SLC24A3: variants seen among roughly 807,000 people sequenced by gnomAD.
SLC24A3 encodes the protein solute carrier family 24 member 3.
SLC24A3 carries 28 observed loss-of-function variants against 75.8 expected under a neutral mutation model. The observed-to-expected ratio is 0.37, with a 90% confidence interval of 0.27 to 0.51. The LOEUF (loss-of-function observed/expected upper bound fraction) is 0.51, where lower values mean the gene tolerates loss of function less well. SLC24A3 is among the 20% of genes least tolerant of loss of function. The pLI is 0.94. For missense variants in SLC24A3, 663 were observed against 847.8 expected (o/e 0.78, Z 2.71); for synonymous variants, 372 against 334.1 (o/e 1.11, Z -1.24).
Position 19,673,529 on chromosome 20 carries a change from T to C in SLC24A3, c.714-72T>C, listed in dbSNP as rs368624865. On this transcript the variant is annotated intron_variant, in intron 8 of 16. Transcript: ENST00000328041. ...ATCCTGGCCGTTTGCATCAAATATG[T>C]CTTTAAAAATGAGGCAGGTGAGTTT... 138 of 1,328,616 alleles carry C rather than the reference T, an allele frequency of 1.0e-4. No individual in the cohort carries two copies. In the African/African-American group the frequency reaches 1.9e-3, roughly 18 times the overall value. 82.3% of individuals were successfully genotyped at this position (1,328,616 alleles called of 1,614,324 possible).
At chr20:19,325,795 T>TAGAGAGAGAGAGAG (rs745745496) in intron 2 of SLC24A3, among the ~76,000 whole-genome samples, 2 of 67,796 alleles carry the variant, frequency 3.0e-5, no homozygotes, top group African/African-American at 1.1e-4. Context: ...TATATATATA[T>TAGAGAGAGAGAGAG]AGAGAGAGAG....
At chr20:19,709,924 TA>T (rs1299296820) in intron 15 of SLC24A3, among the ~76,000 whole-genome samples, 2 of 152,180 alleles carry the variant, frequency 1.3e-5, no homozygotes, top group African/African-American at 4.8e-5. Flanking sequence ...ACTAAATGAC[TA>T]AAGGACTTAG....
intron 1 of SLC24A3, among the ~76,000 whole-genome samples, chr20:19,250,530 C>T (rs1982622266): frequency 3.3e-5 from 5 of 152,194 alleles, no homozygotes; most frequent in Admixed American, 2.0e-4. Flanking sequence ...TTACCATACT[C>T]TGAAGGGTGT....
chr20:19,694,161 G>C (rs1425109768), intron 13 of SLC24A3: 4 of 152,180 alleles, frequency 2.6e-5, no homozygotes, highest in Non-Finnish European at 1.5e-5. Flanking sequence ...CAGTGGCTTT[G>C]ACCTTAACAA....
intron 2 of SLC24A3, among the ~76,000 whole-genome samples, chr20:19,380,917 G>C (rs1378041554): frequency 6.6e-6 from 1 of 152,166 alleles, no homozygotes; most frequent in Non-Finnish European, 1.5e-5. Flanking sequence ...AAATGATGGA[G>C]CCTTGGGGAA....
intron 2 of SLC24A3, among the ~76,000 whole-genome samples, chr20:19,363,798 G>A (rs962494053): frequency 3.9e-5 from 6 of 152,126 alleles, no homozygotes; most frequent in African/African-American, 9.7e-5. Context: ...TATGTTACAC[G>A]TATGCCAGGA....
chr20:19,560,366 CT>C (rs1391876297), intron 3 of SLC24A3, among the ~76,000 whole-genome samples: 2 of 152,210 alleles, frequency 1.3e-5, no homozygotes, highest in Non-Finnish European at 2.9e-5. Flanking sequence ...TGTTCTTGGG[CT>C]TTTAAAACCC....
intron 6 of SLC24A3, among the ~76,000 whole-genome samples, chr20:19,632,137 C>G (rs751175997): frequency 6.6e-6 from 1 of 152,140 alleles, no homozygotes; most frequent in Non-Finnish European, 1.5e-5. Context: ...AATTGGAACC[C>G]CTCCTTTAGA....
At chr20:19,527,562 T>G (rs1010687880) in intron 3 of SLC24A3, among the ~76,000 whole-genome samples, 1 of 152,182 alleles carries the variant, frequency 6.6e-6, no homozygotes, top group Non-Finnish European at 1.5e-5. Flanking sequence ...AGGAAACCCC[T>G]GCTCATGAGG....
At chr20:19,610,919 G>A (rs1425395171) in intron 6 of SLC24A3, among the ~76,000 whole-genome samples, 1 of 152,214 alleles carries the variant, frequency 6.6e-6, no homozygotes. Context: ...CTGGAAGCTG[G>A]AAGTCCAGCC....
At chr20:19,647,140 C>G (rs1427342249) in intron 6 of SLC24A3, among the ~76,000 whole-genome samples, 1 of 152,058 alleles carries the variant, frequency 6.6e-6, no homozygotes, top group Admixed American at 6.6e-5. Flanking sequence ...ATTAATACCC[C>G]AGCTCCCTCT....
At chr20:19,252,970 G>A (rs1009582592) in intron 1 of SLC24A3, among the ~76,000 whole-genome samples, 2 of 152,158 alleles carry the variant, frequency 1.3e-5, no homozygotes, top group African/African-American at 4.8e-5. Context: ...TATGCAATGG[G>A]TGCTTCGCCT....
intron 2 of SLC24A3, among the ~76,000 whole-genome samples, chr20:19,293,364 G>A (rs562044817): frequency 6.6e-6 from 1 of 152,156 alleles, no homozygotes; most frequent in South Asian, 2.1e-4. Context: ...CTCGGAAAGG[G>A]ATGTTTCCTG....
chr20:19,520,026 G>A (rs960612), intron 3 of SLC24A3, among the ~76,000 whole-genome samples: 14,492 of 152,188 alleles, frequency 0.095, 744 homozygotes, highest in South Asian at 0.1. Flanking sequence ...CTTGCTTTCC[G>A]ATTTTTAATG....
chr20:19,623,385 C>T (rs2031829207), intron 6 of SLC24A3, among the ~76,000 whole-genome samples: 1 of 152,158 alleles, frequency 6.6e-6, no homozygotes, highest in South Asian at 2.1e-4. Flanking sequence ...AGCTCTGAAA[C>T]AGGAGCTGCA....
intron 13 of SLC24A3, chr20:19,694,586 C>G (rs965750343): frequency 2.6e-5 from 4 of 152,156 alleles, no homozygotes; most frequent in Non-Finnish European, 5.9e-5. Flanking sequence ...GCACCAAGAG[C>G]CACCTCCTAT....
intron 2 of SLC24A3, among the ~76,000 whole-genome samples, chr20:19,348,964 T>A (rs1470585063): frequency 6.6e-6 from 1 of 152,136 alleles, no homozygotes. Flanking sequence ...ACCCAGCATA[T>A]CCTGCTTCAT....
chr20:19,579,321 G>A (rs2031185593), intron 3 of SLC24A3, among the ~76,000 whole-genome samples: 1 of 152,174 alleles, frequency 6.6e-6, no homozygotes, highest in Admixed American at 6.5e-5. Context: ...GAATTCCAGG[G>A]AATACCCTGG....
At chr20:19,368,794 C>A (rs543862925) in intron 2 of SLC24A3, among the ~76,000 whole-genome samples, 4 of 152,122 alleles carry the variant, frequency 2.6e-5, no homozygotes, top group African/African-American at 9.7e-5. Flanking sequence ...TCTCAGCATC[C>A]GGGAGAATTT....
Sources: gnomAD v4.1 joint callset for allele counts (sites outside exome capture counted in the v4.1 genomes callset) on GRCh38, gnomAD v4.1.1 for gene constraint, MANE v1.5 for transcripts, NCBI Gene and HGNC (gene_info 2026-07-23, HGNC 2026-07-21) for gene names.